Variants in PPP2R2B observed in about 807,000 individuals in gnomAD.
PPP2R2B encodes the protein protein phosphatase 2 regulatory subunit Bbeta.
Under a neutral mutation model 46.0 loss-of-function variants are expected in PPP2R2B, and 5 were observed. The observed-to-expected ratio is 0.11, with a 90% confidence interval of 0.06 to 0.23. The LOEUF (loss-of-function observed/expected upper bound fraction) is 0.23. Ranked by LOEUF, PPP2R2B falls within the 10% of genes least tolerant of loss-of-function variation. The pLI is 1.00. For missense variants in PPP2R2B, 367 were observed against 575.0 expected (o/e 0.64, Z 3.70); for synonymous variants, 215 against 206.7 (o/e 1.04, Z -0.34).
At chr5:146,677,556 T>A in intron 5 of PPP2R2B, among the ~76,000 whole-genome samples, 1 of 117,524 alleles carries the variant, frequency 8.5e-6, no homozygotes. Context: ...TCCCTCTGTC[T>A]GAGACAGGGT....
At chr5:146,598,536 T>TGTGAA (rs1771448391) in intron 8 of PPP2R2B, among the ~76,000 whole-genome samples, 1 of 152,234 alleles carries the variant, frequency 6.6e-6, no homozygotes, top group Admixed American at 6.5e-5. Context: ...GTCTACCTGC[T>TGTGAA]GTGTCTGTTT....
At chr5:146,681,312 A>C (rs550654961) in intron 5 of PPP2R2B, among the ~76,000 whole-genome samples, 97 of 152,308 alleles carry the variant, frequency 6.4e-4, no homozygotes, top group Non-Finnish European at 1.1e-3. Flanking sequence ...AATAAATAAA[A>C]GTCAGCTCTT....
intron 2 of PPP2R2B, among the ~76,000 whole-genome samples, chr5:146,849,743 G>A (rs1237962045): frequency 6.6e-5 from 10 of 152,084 alleles, no homozygotes; most frequent in African/African-American, 2.2e-4. Flanking sequence ...TCCTTGAAAA[G>A]GATTCAAGTG....
intron 1 of PPP2R2B, among the ~76,000 whole-genome samples, chr5:146,899,429 T>A (rs979306704): frequency 7.5e-6 from 1 of 132,876 alleles, no homozygotes; most frequent in African/African-American, 2.9e-5. Context: ...AACAATGAGA[T>A]CACATGGACA....
intron 2 of PPP2R2B, among the ~76,000 whole-genome samples, chr5:146,823,433 G>A (rs932969331): frequency 4.6e-5 from 7 of 151,868 alleles, no homozygotes; most frequent in Non-Finnish European, 7.4e-5. Context: ...TCCTGACCTC[G>A]TGATCTGCCC....
intron 2 of PPP2R2B, among the ~76,000 whole-genome samples, chr5:146,738,161 C>T (rs375757934): frequency 1.0e-3 from 159 of 152,040 alleles, no homozygotes; most frequent in African/African-American, 3.7e-3. Context: ...CTTTGGGAGG[C>T]TGAGGCGGGC....
chr5:146,759,319 T>C (rs903216062), intron 2 of PPP2R2B, among the ~76,000 whole-genome samples: 3 of 152,218 alleles, frequency 2.0e-5, no homozygotes, highest in African/African-American at 7.2e-5. Context: ...ATAAGTAATA[T>C]ACTTCCCCTC....
intron 1 of PPP2R2B, among the ~76,000 whole-genome samples, chr5:146,902,289 C>T (rs1762860249): frequency 6.6e-6 from 1 of 152,116 alleles, no homozygotes; most frequent in South Asian, 2.1e-4. Flanking sequence ...ATTGTCATCT[C>T]AGCATTGTTT....
intron 2 of PPP2R2B, among the ~76,000 whole-genome samples, chr5:146,819,418 G>A (rs542803724): frequency 1.3e-5 from 2 of 152,308 alleles, no homozygotes; most frequent in African/African-American, 4.8e-5. Flanking sequence ...TATGCAGAGA[G>A]AGACACAACC....
At chr5:146,994,184 T>G (rs1739279148) in intron 1 of PPP2R2B, among the ~76,000 whole-genome samples, 1 of 152,156 alleles carries the variant, frequency 6.6e-6, no homozygotes, top group South Asian at 2.1e-4. Context: ...AGGCTTTTCC[T>G]ACACCATATG....
intron 5 of PPP2R2B, among the ~76,000 whole-genome samples, chr5:146,686,622 A>G (rs933804032): frequency 6.6e-6 from 1 of 151,984 alleles, no homozygotes; most frequent in Admixed American, 6.6e-5. Flanking sequence ...AATTGTATTC[A>G]TCACATCACC....
At chr5:146,682,488 T>G (rs1403098322) in intron 5 of PPP2R2B, among the ~76,000 whole-genome samples, 1 of 152,178 alleles carries the variant, frequency 6.6e-6, no homozygotes, top group African/African-American at 2.4e-5. Context: ...GGAGTCAGCT[T>G]GAACCTGGTT....
chr5:146,832,377 A>ATATTTTTTTTTTTTTTTTTTTTTTTTT (rs1443028400), intron 2 of PPP2R2B, among the ~76,000 whole-genome samples: 1 of 104,298 alleles, frequency 9.6e-6, no homozygotes, highest in African/African-American at 3.6e-5. Flanking sequence ...GCCATTTTTA[A>ATATTTTTTTTTTTTTTTTTTTTTTTTT]TCTTTTTTTT....
At position 146,824,738 on chromosome 5, in the gene PPP2R2B, C is replaced by CT. The variant is rs201658038; in HGVS notation, c.70+53263dup. Among the ~76,000 whole-genome samples the CT allele has an allele frequency of 5.6e-3, 807 of 142,914 alleles. 3 individuals carry two copies. Among genetic ancestry groups the CT allele is most frequent in the African/African-American group, 9.9e-3 (388 of 39,000 alleles). The allele number at this position is 142,914 out of a possible 152,430, so 93.8% of individuals were successfully genotyped here. On this transcript the variant is annotated intron_variant, in intron 2 of 9. Coordinates refer to ENST00000394411, the MANE Select transcript of PPP2R2B (RefSeq NM_181675.4). ...ATTGAGAAAAATGCAAGAATCAATA[C>CT]TTTTTTTTTTTTTTTTGAGATGGGG...
intron 1 of PPP2R2B, among the ~76,000 whole-genome samples, chr5:146,923,621 G>A (rs1032881082): frequency 1.3e-5 from 2 of 152,168 alleles, no homozygotes; most frequent in African/African-American, 4.8e-5. Flanking sequence ...GTGAATGGTA[G>A]GAGTGCAAAT....
chr5:146,661,686 G>C (rs1289473240), intron 5 of PPP2R2B, among the ~76,000 whole-genome samples: 1 of 152,112 alleles, frequency 6.6e-6, no homozygotes, highest in African/African-American at 2.4e-5. Flanking sequence ...AAAAAGGAGA[G>C]GAAAGATACC....
At chr5:147,051,224 A>C (rs1343365902) in intron 1 of PPP2R2B, among the ~76,000 whole-genome samples, 6 of 152,186 alleles carry the variant, frequency 3.9e-5, no homozygotes, top group South Asian at 2.1e-4. Context: ...TTTGGACTTG[A>C]GTCTTGGCTC....
intron 2 of PPP2R2B, among the ~76,000 whole-genome samples, chr5:146,729,803 T>G (rs912091290): frequency 7.2e-5 from 11 of 152,180 alleles, no homozygotes; most frequent in African/African-American, 2.7e-4. Context: ...TTTCAGAAGA[T>G]GTATGGAAAC....
chr5:146,842,104 A>C (rs1035603372), intron 2 of PPP2R2B, among the ~76,000 whole-genome samples: 6 of 152,164 alleles, frequency 3.9e-5, no homozygotes, highest in Non-Finnish European at 5.9e-5. Context: ...CATGGAATAC[A>C]ACATCCTCCC....
Sources: allele counts gnomAD v4.1 joint callset (sites outside exome capture counted in the v4.1 genomes callset), GRCh38; gene constraint gnomAD v4.1.1; transcripts MANE v1.5; gene names NCBI Gene and HGNC (gene_info 2026-07-23, HGNC 2026-07-21).